FRY: variants seen among roughly 807,000 people sequenced by gnomAD.
FRY encodes the protein protein furry homolog.
FRY carries 128 observed loss-of-function variants against 348.4 expected under a neutral mutation model. The observed-to-expected ratio is 0.37, with a 90% CI of 0.32 to 0.43. The LOEUF is 0.43. FRY is among the 20% of genes least tolerant of loss of function. The pLI is 1.00. For missense variants in FRY, 2,736 were observed against 3,695.2 expected, an observed-to-expected ratio of 0.74 and a Z score of 6.73; for synonymous variants, 1,370 against 1,374.7, an observed-to-expected ratio of 1.00 and a Z score of 0.08.
intron 1 of FRY, among the ~76,000 whole-genome samples, chr13:32,057,265 G>A (rs75678060): frequency 0.037 from 5,559 of 151,850 alleles, 348 homozygotes; most frequent in African/African-American, 0.13. Context: ...TCTGTCTCCC[G>A]GTTTCAAGTG....
At chr13:32,035,589 G>A (rs1462659544) in intron 1 of FRY, among the ~76,000 whole-genome samples, 4 of 152,146 alleles carry the variant, frequency 2.6e-5, no homozygotes, top group South Asian at 2.1e-4. Context: ...TCTAAAGGGC[G>A]TCCTTGTGTC....
chr13:32,131,994 G>A (rs1364175587), intron 8 of FRY, among the ~76,000 whole-genome samples, 154 bp downstream of exon 8: 1 of 152,122 alleles, frequency 6.6e-6, no homozygotes, highest in Non-Finnish European at 1.5e-5. Flanking sequence ...TAACCAAATA[G>A]TACAGTTGCG....
Position 32,155,680 on chromosome 13 carries a change from A to AT in FRY, c.1651+19dup, listed in dbSNP as rs1881064887. On this transcript the variant is annotated intron_variant, in intron 15 of 60. Coordinates refer to ENST00000542859, the MANE Select transcript of FRY (RefSeq NM_023037.3). ...AATGATAGGTGAGTTTCAGAAGTGC[A>AT]TAAGAACTAAGCCTTATTAAGCCCT... The AT allele has an allele frequency of 1.3e-6, 2 of 1,590,246 alleles. No individual in the cohort carries two copies. Among genetic ancestry groups the AT allele is most frequent in the Non-Finnish European group, 1.7e-6 (2 of 1,161,302 alleles).
chr13:32,238,130 A>T, intron 44 of FRY, 144 bp downstream of exon 44: 1 of 889,224 alleles, frequency 1.1e-6, no homozygotes, highest in Non-Finnish European at 1.8e-6. Context: ...TTCTCATAAA[A>T]TTCTATATAA....
At position 32,178,873 on chromosome 13, in the gene FRY, C is replaced by A. The variant is rs767331745; in HGVS notation, c.2711C>A (p.Thr904Asn). The A allele has an allele frequency of 6.2e-7, 1 of 1,613,736 alleles. No homozygotes were observed. The highest frequency in any genetic ancestry group is 1.1e-5 in the South Asian group (1 of 91,074). Residue 904 changes from threonine to asparagine, a missense_variant, in exon 22 of 61, where the codon ACT becomes AAT. Physicochemically the swap from Thr to Asn is moderately conservative, Grantham distance 65. Around this residue, in one of 9 missense-constraint regions of FRY, gnomAD observed 449 missense variants for 576.9 expected, o/e 0.78. Coordinates refer to ENST00000542859, the MANE Select transcript of FRY (RefSeq NM_023037.3). ...NSPINAKKTSTAGSGDNYVTL... is the reference protein window; with the variant it reads ...NSPINAKKTSNAGSGDNYVTL... ...CCAATTAATGCCAAGAAAACCAGCA[C>A]TGCCGGCAGCGGAGACAACTATGTT...
chr13:32,236,571 T>C (rs1323971366), intron 43 of FRY, among the ~76,000 whole-genome samples: 1 of 152,186 alleles, frequency 6.6e-6, no homozygotes, highest in Non-Finnish European at 1.5e-5. Flanking sequence ...GCTTCTGAAC[T>C]GTTGCCATAA....
chr13:32,042,202 G>C (rs1168988158), intron 1 of FRY, among the ~76,000 whole-genome samples: 5 of 151,600 alleles, frequency 3.3e-5, no homozygotes, highest in Admixed American at 2.6e-4. Context: ...AGGGAAGGAG[G>C]GAAGAAAGGA....
At chr13:32,267,424 T>A in intron 55 of FRY, 65 bp downstream of exon 55, 1 of 1,364,620 alleles carries the variant, frequency 7.3e-7, no homozygotes, top group Non-Finnish European at 1.0e-6. Context: ...ACTTTGAATT[T>A]AAGGAGAGGT....
chr13:32,225,879 AT>A lies in FRY; in HGVS notation c.5113del (p.Ser1705ProfsTer18). On this transcript the variant is annotated frameshift_variant, in exon 39 of 61. Coordinates refer to ENST00000542859, the MANE Select transcript of FRY (RefSeq NM_023037.3). LOFTEE classifies it high-confidence loss of function. ...GCCCTCTCTTGCAACAGCAATTTCC[AT>A]TCCATTGCTTCCGTGCTCCTGCAGA... The part of the protein sequence containing the change: ...LIALSCNSNF[H>X]SIASVLLQTR... 1 of 1,613,682 alleles carries A rather than the reference AT, an allele frequency of 6.2e-7. No individual in the cohort carries two copies. The highest frequency in any genetic ancestry group is 2.2e-5 in the East Asian group (1 of 44,880).
At chr13:32,199,887 G>A (rs1858938) in intron 29 of FRY, among the ~76,000 whole-genome samples, 66,499 of 151,948 alleles carry the variant, frequency 0.44, 14,771 homozygotes, top group African/African-American at 0.46. Context: ...ATAACAGAAT[G>A]CCTGGAACTG....
chr13:32,284,710 T>C (rs1388734722), intron 58 of FRY, among the ~76,000 whole-genome samples: 1 of 152,206 alleles, frequency 6.6e-6, no homozygotes. Context: ...TTTAGGAGAT[T>C]TCATCATTAG....
intron 58 of FRY, among the ~76,000 whole-genome samples, chr13:32,288,266 G>A (rs55891775): frequency 6.6e-5 from 10 of 152,200 alleles, no homozygotes; most frequent in Non-Finnish European, 1.3e-4. Flanking sequence ...AGTTTTAAAG[G>A]TTTCTCTAAA....
chr13:32,036,748 TGA>T (rs1491475053), intron 1 of FRY, among the ~76,000 whole-genome samples: 3 of 145,292 alleles, frequency 2.1e-5, no homozygotes, highest in African/African-American at 7.7e-5. Context: ...ACATTTTCGA[TGA>T]AAAAAAAAAA....
chr13:32,262,551 A>G (rs1040982364), intron 53 of FRY, 76 bp downstream of exon 53: 1 of 1,092,802 alleles, frequency 9.2e-7, no homozygotes. Flanking sequence ...TTTTCTGAGA[A>G]TTCTTAAGGG....
At chr13:32,116,248 A>G (rs1176458397) in intron 3 of FRY, among the ~76,000 whole-genome samples, 1 of 152,136 alleles carries the variant, frequency 6.6e-6, no homozygotes, top group Non-Finnish European at 1.5e-5. Context: ...TATCAGCGGT[A>G]TATGAATATA....
chr13:32,239,122 T>A lies in FRY; in HGVS notation c.6419-130T>A. 2.8e-6 allele frequency: 2 copies of A among 711,768 alleles called. No homozygotes were observed. Among genetic ancestry groups the A allele is most frequent in the South Asian group, 2.9e-5 (2 of 69,340 alleles). The allele number at this position is 711,768 out of a possible 1,614,324, so 44.1% of individuals were successfully genotyped here. A position where few individuals can be genotyped will look rare whatever the true frequency, so the allele number is the denominator to read the frequency against. Reference sequence around the variant, plus strand: ...CATTTTTCATAGATTTTGTGTTAGATCATGTTTAAGCTGATTCAAAAAACT... The same window carrying A: ...CATTTTTCATAGATTTTGTGTTAGAACATGTTTAAGCTGATTCAAAAAACT... On this transcript the variant is annotated intron_variant, in intron 44 of 60. Coordinates refer to ENST00000542859, the MANE Select transcript of FRY (RefSeq NM_023037.3). The surrounding 1 kb of genome is among the most constrained non-coding windows in gnomAD (Gnocchi z 4.3).
intron 2 of FRY, among the ~76,000 whole-genome samples, chr13:32,092,579 G>A (rs1876389167): frequency 6.6e-6 from 1 of 152,190 alleles, no homozygotes. Flanking sequence ...TCCTCAGGGT[G>A]TGAGAAGCAC....
intron 7 of FRY, among the ~76,000 whole-genome samples, chr13:32,125,763 C>A (rs1878981053): frequency 6.6e-6 from 1 of 152,224 alleles, no homozygotes; most frequent in African/African-American, 2.4e-5. Context: ...AACCCCTTAA[C>A]TCCTTGGCAT....
At chr13:32,224,443 T>A in intron 37 of FRY, 58 bp downstream of exon 37, 2 of 1,541,742 alleles carry the variant, frequency 1.3e-6, no homozygotes, top group Non-Finnish European at 1.8e-6. Flanking sequence ...TTTCTACCTA[T>A]GACAAGAGAA....
Sources: gnomAD v4.1 joint callset for allele counts (sites outside exome capture counted in the v4.1 genomes callset) on GRCh38, gnomAD v4.1.1 for gene constraint, gnomAD v4.1.1 regional missense constraint, Gnocchi (gnomAD v3.1) non-coding constraint, MANE v1.5 for transcripts, NCBI Gene and HGNC (gene_info 2026-07-23, HGNC 2026-07-21) for gene names.